Variants in TRAPPC8 observed in about 807,000 individuals in gnomAD.
TRAPPC8 encodes general sporulation gene 1 homolog.
A neutral mutation model predicts 174.3 loss-of-function variants in TRAPPC8; 54 were observed. The ratio of observed to expected loss-of-function variants is 0.31; its 90% CI spans 0.25 to 0.39. TRAPPC8 has a LOEUF of 0.39. TRAPPC8 is among the 10% of genes least tolerant of loss of function. The pLI, the probability that TRAPPC8 is intolerant of heterozygous loss-of-function variation, is 1.00. For missense variants in TRAPPC8, 1,531 were observed against 1,699.1 expected (o/e 0.90, Z 1.74); for synonymous variants, 630 against 579.9 (o/e 1.09, Z -1.24).
At chr18:31,840,504 A>T (rs575195127) in intron 26 of TRAPPC8, among the ~76,000 whole-genome samples, 15 of 152,074 alleles carry the variant, frequency 9.9e-5, no homozygotes, top group Non-Finnish European at 1.8e-4. Flanking sequence ...TTCCCTCACC[A>T]CCCAGGAGAA....
intron 2 of TRAPPC8, among the ~76,000 whole-genome samples, chr18:31,930,048 T>C (rs926632901): frequency 6.6e-6 from 1 of 151,870 alleles, no homozygotes; most frequent in African/African-American, 2.4e-5. Flanking sequence ...TATTTTTAAC[T>C]ATACAAGAGC....
chr18:31,898,674 T>C (rs1226126422), intron 10 of TRAPPC8, among the ~76,000 whole-genome samples: 4 of 152,270 alleles, frequency 2.6e-5, no homozygotes, highest in Non-Finnish European at 4.4e-5. Context: ...CGTTGTCTGA[T>C]TGATTCCTGA....
intron 26 of TRAPPC8, among the ~76,000 whole-genome samples, chr18:31,841,932 T>C (rs1488172765): frequency 6.6e-6 from 1 of 152,186 alleles, no homozygotes; most frequent in Admixed American, 6.5e-5. Context: ...GACAGGGTCT[T>C]GCTATGTTAC....
Position 31,932,798 on chromosome 18 carries a change from A to G in TRAPPC8, c.158-1275T>C, listed in dbSNP as rs553458319. Among the ~76,000 whole-genome samples, 7 of 151,992 alleles carry G rather than the reference A, an allele frequency of 4.6e-5. No individual in the cohort carries two copies. The East Asian group carries it at 1.4e-3, about 30-fold the overall frequency. Reference sequence around the variant, plus strand: ...GGAGTTCGAGACCAGCCTGGCCAACATAGTGAAACCTCGTCTCTACTAAAA... The same window carrying G: ...GGAGTTCGAGACCAGCCTGGCCAACGTAGTGAAACCTCGTCTCTACTAAAA... On this transcript the variant is annotated intron_variant, in intron 1 of 28. Coordinates refer to ENST00000283351, the MANE Select transcript of TRAPPC8 (RefSeq NM_014939.5).
At chr18:31,915,460 CA>C (rs1279387185) in intron 4 of TRAPPC8, among the ~76,000 whole-genome samples, 11 of 96,846 alleles carry the variant, frequency 1.1e-4, no homozygotes, top group Non-Finnish European at 1.8e-4. Flanking sequence ...GAAACCCCAT[CA>C]AAAAAAAAGG....
chr18:31,864,051 A>G (rs1332584815), intron 19 of TRAPPC8, among the ~76,000 whole-genome samples: 3 of 147,888 alleles, frequency 2.0e-5, no homozygotes, highest in Non-Finnish European at 3.0e-5. Flanking sequence ...TAAAATATAT[A>G]TTTATATTAT....
intron 1 of TRAPPC8, among the ~76,000 whole-genome samples, chr18:31,942,081 T>C (rs1461061126): frequency 6.6e-6 from 1 of 152,206 alleles, no homozygotes; most frequent in Non-Finnish European, 1.5e-5. Flanking sequence ...CAAAATACCG[T>C]ATAGCTAAGA....
intron 5 of TRAPPC8, among the ~76,000 whole-genome samples, chr18:31,912,299 T>G: frequency 6.6e-6 from 1 of 152,286 alleles, no homozygotes; most frequent in East Asian, 1.9e-4. Context: ...GAGACCAGCC[T>G]GACCAATATG....
Position 31,830,947 on chromosome 18 carries a change from T to C in TRAPPC8, c.4116A>G (p.Gly1372=). The C allele has an allele frequency of 1.2e-6, 2 of 1,614,102 alleles. No homozygotes were observed. The highest frequency in any genetic ancestry group is 1.7e-5 in the Admixed American group (1 of 60,028). ...LEIHGSFTWL[G]QTQYKLQLKS... Reference sequence around the variant, plus strand: ...TAAGTTGAAGTTTATACTGTGTTTGTCCAAGCCATGTGAATGATCCATGGA... The same window carrying C: ...TAAGTTGAAGTTTATACTGTGTTTGCCCAAGCCATGTGAATGATCCATGGA... The change falls in exon 29 of 29, where the codon GGA becomes GGG. Residue 1372 remains glycine (G), a synonymous_variant. Coordinates refer to ENST00000283351, the MANE Select transcript of TRAPPC8 (RefSeq NM_014939.5).
intron 25 of TRAPPC8, among the ~76,000 whole-genome samples, chr18:31,848,540 C>A (rs2033533365): frequency 6.6e-6 from 1 of 152,088 alleles, no homozygotes; most frequent in Admixed American, 6.5e-5. Flanking sequence ...CTTCTATAAT[C>A]AACAAAAGTA....
At chr18:31,875,651 G>A (rs1445739685) in intron 12 of TRAPPC8, among the ~76,000 whole-genome samples, 3 of 152,174 alleles carry the variant, frequency 2.0e-5, no homozygotes, top group Non-Finnish European at 2.9e-5. Flanking sequence ...TTTACTGCAG[G>A]ACTTAAGAAG....
rs1363160058 is a variant in TRAPPC8 at position 31,874,561 on chromosome 18, A to G, written c.1872T>C (p.Phe624=). The G allele has an allele frequency of 6.8e-6, 11 of 1,614,032 alleles. No individual in the cohort carries two copies. The Admixed American group carries it at 1.5e-4, about 22-fold the overall frequency. The change falls in exon 13 of 29, where the codon TTT becomes TTC. Residue 624 remains phenylalanine, a synonymous_variant. Transcript: ENST00000283351. ...TACTTTCATTAATTAGAATATGCCT[A>G]AAAGCAGACACAGCATTATCCAGCT... ...LRQLDNAVSA[F]RHILINESKQ...
At position 31,830,784 on chromosome 18, in the gene TRAPPC8, G is replaced by A; in HGVS notation, c.4279C>T (p.Pro1427Ser). 1 of 1,614,108 alleles carries A rather than the reference G, an allele frequency of 6.2e-7. No homozygotes were observed. The highest frequency in any genetic ancestry group is 8.5e-7 in the Non-Finnish European group (1 of 1,179,984). Residue 1427 changes from proline (P) to serine (S), a missense_variant, in exon 29 of 29, where the codon CCT (proline) becomes TCT (serine). By Grantham distance (74) the Pro-to-Ser change is moderately conservative (BLOSUM62 -1). Coordinates refer to ENST00000283351, the MANE Select transcript of TRAPPC8 (RefSeq NM_014939.5). ...ACATTACTGATGATGATCAGGGCAG[G>A]CATGGAATTCTGCTGACTTGTTTCA... ...VFETSQQNSM[P>S]ALIIISNV
intron 12 of TRAPPC8, 82 bp downstream of exon 12, chr18:31,890,653 C>T: frequency 2.0e-6 from 3 of 1,488,512 alleles, no homozygotes; most frequent in Middle Eastern, 1.8e-4. Flanking sequence ...TTTTAAGATC[C>T]TTTTTAAATA....
intron 11 of TRAPPC8, among the ~76,000 whole-genome samples, chr18:31,894,236 A>C (rs963237580): frequency 6.6e-6 from 1 of 152,152 alleles, no homozygotes; most frequent in African/African-American, 2.4e-5. Flanking sequence ...TTGGACCCTG[A>C]CTCTTACTGT....
At chr18:31,864,806 C>T in intron 18 of TRAPPC8, 25 bp from the exon 19 acceptor site, 1 of 1,584,062 alleles carries the variant, frequency 6.3e-7, no homozygotes, top group African/African-American at 1.4e-5. Flanking sequence ...AATCAATGCC[C>T]TAAAATAATT....
intron 26 of TRAPPC8, among the ~76,000 whole-genome samples, chr18:31,842,485 A>C (rs2033160724): frequency 6.6e-6 from 1 of 152,226 alleles, no homozygotes; most frequent in South Asian, 2.1e-4. Context: ...TGCACAATGA[A>C]GATGTAACTA....
intron 5 of TRAPPC8, among the ~76,000 whole-genome samples, chr18:31,912,896 G>A (rs2036978712): frequency 1.3e-5 from 2 of 152,166 alleles, no homozygotes; most frequent in Admixed American, 6.5e-5. Context: ...GGGAAGTTAA[G>A]GTGGGCAGAT....
intron 2 of TRAPPC8, among the ~76,000 whole-genome samples, chr18:31,921,479 G>A (rs1021359355): frequency 1.6e-4 from 24 of 151,768 alleles, no homozygotes; most frequent in African/African-American, 5.8e-4. Context: ...TGGGTGGGCG[G>A]GGTGACACAT....
Sources: gnomAD v4.1 joint callset for allele counts (sites outside exome capture counted in the v4.1 genomes callset) on GRCh38, gnomAD v4.1.1 for gene constraint, MANE v1.5 for transcripts, NCBI Gene and HGNC (gene_info 2026-07-23, HGNC 2026-07-21) for gene names.